The following DRC9 variants were observed in gnomAD, a reference collection of about 807,000 sequenced individuals.
DRC9 encodes the protein dynein regulatory complex protein 9.
chr3:197,931,143 A>G, the DRC9 span, among the ~76,000 whole-genome samples: 1 of 152,174 alleles, frequency 6.6e-6, no homozygotes, highest in Non-Finnish European at 1.5e-5. Flanking sequence ...TGAGCAAAAA[A>G]GGACAAGAAA....
At chr3:197,954,112 C>G in the DRC9 span, 2 of 1,614,204 alleles carry the variant, frequency 1.2e-6, no homozygotes, top group Non-Finnish European at 1.7e-6. Context: ...CCGAAGCAAT[C>G]TTCCTGCTAA....
chr3:197,896,351 A>T, the DRC9 span, among the ~76,000 whole-genome samples: 1 of 152,232 alleles, frequency 6.6e-6, no homozygotes, highest in African/African-American at 2.4e-5. Flanking sequence ...TAAAAAAAAA[A>T]AATTAATAAG....
At chr3:197,905,742 G>GA in the DRC9 span, among the ~76,000 whole-genome samples, 2,793 of 144,550 alleles carry the variant, frequency 0.019, 91 homozygotes, top group African/African-American at 0.067. Flanking sequence ...AATCTCAGAA[G>GA]AAAAAAAAAA....
At chr3:197,953,751 G>A in the DRC9 span, 2 of 567,120 alleles carry the variant, frequency 3.5e-6, no homozygotes, top group African/African-American at 1.9e-5. Context: ...TCTGACCTAT[G>A]TATTTTCCTT....
At chr3:197,906,265 C>T in the DRC9 span, 1 of 152,152 alleles carries the variant, frequency 6.6e-6, no homozygotes, top group Non-Finnish European at 1.5e-5. Flanking sequence ...TCCACCCACA[C>T]GTTTTACTGA....
chr3:197,934,795 C>A, the DRC9 span, among the ~76,000 whole-genome samples: 2 of 122,238 alleles, frequency 1.6e-5, no homozygotes, highest in South Asian at 3.5e-4. Flanking sequence ...TAGTGAGACC[C>A]CCTCCCCCCA....
the DRC9 span, among the ~76,000 whole-genome samples, chr3:197,945,015 C>G: frequency 2.6e-5 from 4 of 152,076 alleles, no homozygotes; most frequent in East Asian, 5.8e-4. Context: ...GAGTGAAAAA[C>G]AGAATGTGGT....
chr3:197,901,588 G>C, the DRC9 span, among the ~76,000 whole-genome samples: 1 of 152,248 alleles, frequency 6.6e-6, no homozygotes. The surrounding 1 kb of genome is among the most constrained non-coding windows in gnomAD (Gnocchi z 4.4). Context: ...CAGTAGCCTG[G>C]CGGCACTCTC....
the DRC9 span, among the ~76,000 whole-genome samples, chr3:197,911,740 A>G: frequency 6.6e-6 from 1 of 152,018 alleles, no homozygotes; most frequent in African/African-American, 2.4e-5. Flanking sequence ...CCTGGGTTCA[A>G]GCGATTCTAT....
At chr3:197,897,690 A>G in the DRC9 span, among the ~76,000 whole-genome samples, 1 of 152,120 alleles carries the variant, frequency 6.6e-6, no homozygotes, top group Non-Finnish European at 1.5e-5. Context: ...CACTGTTTCA[A>G]GCACCCATGG....
the DRC9 span, chr3:197,938,464 C>T: frequency 2.5e-5 from 23 of 921,124 alleles, no homozygotes; most frequent in African/African-American, 2.4e-4. Context: ...AACCTGTAGA[C>T]GATAGCAGTC....
the DRC9 span, among the ~76,000 whole-genome samples, chr3:197,921,270 C>T: frequency 3.6e-4 from 43 of 119,624 alleles, 12 homozygotes; most frequent in South Asian, 1.0e-3. Context: ...GGGATTTAAC[C>T]TGATTTCGTC....
the DRC9 span, chr3:197,906,350 C>T: frequency 2.6e-5 from 4 of 152,034 alleles, no homozygotes; most frequent in African/African-American, 9.7e-5. Flanking sequence ...TTAAAGATGA[C>T]TCAAATCAGC....
At chr3:197,913,716 C>T in the DRC9 span, 10 of 771,460 alleles carry the variant, frequency 1.3e-5, no homozygotes, top group Non-Finnish European at 2.1e-5. Context: ...CTTGCGAACA[C>T]GCATATCCTC....
At chr3:197,945,707 T>A in the DRC9 span, 2 of 959,678 alleles carry the variant, frequency 2.1e-6, no homozygotes, top group Non-Finnish European at 3.2e-6. Context: ...AAAGAAACAC[T>A]GAGATTAGTT....
chr3:197,914,615 T>C, the DRC9 span, among the ~76,000 whole-genome samples: 5 of 152,012 alleles, frequency 3.3e-5, no homozygotes, highest in African/African-American at 1.2e-4. Flanking sequence ...GCTAGGAAAA[T>C]TGTGGAGATC....
At chr3:197,934,474 G>A in the DRC9 span, among the ~76,000 whole-genome samples, 1 of 151,754 alleles carries the variant, frequency 6.6e-6, no homozygotes, top group Non-Finnish European at 1.5e-5. Flanking sequence ...CGTGAGCCAC[G>A]GCGCCCGGCC....
the DRC9 span, among the ~76,000 whole-genome samples, chr3:197,928,285 T>C: frequency 1.3e-5 from 2 of 152,076 alleles, no homozygotes; most frequent in African/African-American, 4.8e-5. Context: ...GACATAACCA[T>C]GTGCTCTTTC....
chr3:197,945,521 TA>T, the DRC9 span: 1 of 764,352 alleles, frequency 1.3e-6, no homozygotes. Context: ...AGTTCTGGGG[TA>T]ATCTGTTACG....
Sources: allele counts gnomAD v4.1 joint callset (sites outside exome capture counted in the v4.1 genomes callset), GRCh38; gene constraint gnomAD v4.1.1; non-coding constraint Gnocchi (gnomAD v3.1); transcripts MANE v1.5; gene names NCBI Gene and HGNC (gene_info 2026-07-23, HGNC 2026-07-21).